The following TCF4 variants were observed in gnomAD, a reference collection of about 807,000 sequenced individuals.
TCF4 encodes SL3-3 enhancer factor 2.
In TCF4, 3 loss-of-function variants were observed where a neutral mutation model predicts 82.1. The observed-to-expected ratio is 0.04, with a 90% CI of 0.02 to 0.09. The LOEUF (loss-of-function observed/expected upper bound fraction) is 0.09. TCF4 is among the 10% of genes least tolerant of loss of function. The pLI is 1.00. For synonymous variants in TCF4, 276 were observed against 309.6 expected, an observed-to-expected ratio of 0.89 and a Z score of 1.14; for missense variants, 518 against 852.7, an observed-to-expected ratio of 0.61 and a Z score of 4.89.
chr18:55,508,331 C>T lies in TCF4; in HGVS notation c.146-44194G>A, dbSNP rs115131242. Among the ~76,000 whole-genome samples the T allele has an allele frequency of 5.6e-3, 854 of 152,276 alleles. 5 individuals carry two copies. The highest frequency in any genetic ancestry group is 0.019 in the African/African-American group (799 of 41,552). On this transcript the variant is annotated intron_variant, in intron 3 of 19. Transcript: ENST00000354452. ...AGGCTGCCATTCCTAAATTTTCCTC[C>T]GTTATAGCAATTCTACCACCACCAC...
intron 3 of TCF4, among the ~76,000 whole-genome samples, chr18:55,470,313 T>C (rs531548017): frequency 6.6e-6 from 1 of 152,344 alleles, no homozygotes; most frequent in South Asian, 2.1e-4. Context: ...TGACTCCTTG[T>C]TCTGCTAAAC....
intron 6 of TCF4, among the ~76,000 whole-genome samples, chr18:55,374,731 C>T (rs2090275196): frequency 6.6e-6 from 1 of 151,836 alleles, no homozygotes; most frequent in Non-Finnish European, 1.5e-5. Context: ...GAAACTCCGC[C>T]TCCACAAAAA....
intron 3 of TCF4, among the ~76,000 whole-genome samples, chr18:55,548,258 G>C (rs1320493185): frequency 6.6e-6 from 1 of 152,200 alleles, no homozygotes; most frequent in Non-Finnish European, 1.5e-5. Context: ...ACTCCATCTA[G>C]GTGGTAATCT....
intron 3 of TCF4, among the ~76,000 whole-genome samples, chr18:55,508,391 T>C (rs2096787807): frequency 1.3e-5 from 2 of 152,208 alleles, no homozygotes; most frequent in South Asian, 4.1e-4. Context: ...AATATTTTGT[T>C]GGATTTTCAA....
At chr18:55,392,989 C>T (rs1000390742) in intron 6 of TCF4, among the ~76,000 whole-genome samples, 5 of 152,166 alleles carry the variant, frequency 3.3e-5, no homozygotes, top group African/African-American at 1.2e-4. Context: ...ATTTTTATAT[C>T]GGTAAATATT....
chr18:55,451,375 C>G (rs1422524334), intron 5 of TCF4, among the ~76,000 whole-genome samples: 1 of 152,142 alleles, frequency 6.6e-6, no homozygotes, highest in African/African-American at 2.4e-5. Context: ...CTGTCCTCAC[C>G]TGGGAAACCA....
chr18:55,563,843 A>G (rs767654235), intron 3 of TCF4, among the ~76,000 whole-genome samples: 21 of 152,256 alleles, frequency 1.4e-4, no homozygotes, highest in Non-Finnish European at 2.9e-4. Context: ...AAAAATTATA[A>G]TATCATCAGA....
intron 10 of TCF4, among the ~76,000 whole-genome samples, chr18:55,270,637 T>C (rs1007569790): frequency 3.9e-5 from 6 of 152,148 alleles, no homozygotes; most frequent in African/African-American, 1.2e-4. Context: ...AATCCTCACA[T>C]AGCTGGCAAT....
At chr18:55,303,768 G>A (rs1054533248) in intron 8 of TCF4, among the ~76,000 whole-genome samples, 3 of 152,086 alleles carry the variant, frequency 2.0e-5, no homozygotes, top group African/African-American at 4.8e-5. Context: ...TTTGGCTGAG[G>A]GGAAGGAAAA....
intron 8 of TCF4, among the ~76,000 whole-genome samples, chr18:55,310,590 G>T (rs1037185365): frequency 6.6e-6 from 1 of 152,186 alleles, no homozygotes; most frequent in Non-Finnish European, 1.5e-5. Flanking sequence ...CCACATTGAG[G>T]AGAAGCGCAG....
intron 6 of TCF4, among the ~76,000 whole-genome samples, chr18:55,361,717 C>T (rs2045506612): frequency 6.6e-6 from 1 of 152,212 alleles, no homozygotes; most frequent in African/African-American, 2.4e-5. Context: ...AATGTCCTCA[C>T]TGTTGAGTCC....
intron 3 of TCF4, among the ~76,000 whole-genome samples, chr18:55,575,987 G>T (rs2097524975): frequency 6.6e-6 from 1 of 152,128 alleles, no homozygotes; most frequent in Non-Finnish European, 1.5e-5. Context: ...TGTGACACTG[G>T]TCATGGTGAT....
At chr18:55,304,156 G>A (rs992741954) in intron 8 of TCF4, among the ~76,000 whole-genome samples, 2 of 152,164 alleles carry the variant, frequency 1.3e-5, no homozygotes, top group African/African-American at 4.8e-5. Context: ...CAGTGTGAAT[G>A]GCGGAAGTTG....
chr18:55,441,951 C>T (rs910902474), intron 5 of TCF4, among the ~76,000 whole-genome samples: 4 of 152,144 alleles, frequency 2.6e-5, no homozygotes, highest in South Asian at 4.1e-4. Context: ...ACTAAGAAAT[C>T]GCGGTGATCC....
At chr18:55,351,466 T>C (rs1569141643) in intron 6 of TCF4, 1 of 162,966 alleles carries the variant, frequency 6.1e-6, no homozygotes, top group African/African-American at 2.4e-5. Flanking sequence ...TGCCTCTCTG[T>C]ACCGCATATC....
chr18:55,298,004 G>A (rs1333020530), intron 8 of TCF4, among the ~76,000 whole-genome samples: 1 of 152,162 alleles, frequency 6.6e-6, no homozygotes, highest in Non-Finnish European at 1.5e-5. Flanking sequence ...GACTGAATCA[G>A]ATTTTAATAG....
intron 3 of TCF4, among the ~76,000 whole-genome samples, chr18:55,541,656 A>G: frequency 6.6e-6 from 1 of 152,020 alleles, no homozygotes; most frequent in East Asian, 1.9e-4. Flanking sequence ...AATCTTATCT[A>G]CCAGAACCTT....
At chr18:55,546,813 CAG>C (rs1252371117) in intron 3 of TCF4, 1 of 152,226 alleles carries the variant, frequency 6.6e-6, no homozygotes, top group African/African-American at 2.4e-5. Flanking sequence ...TTTACGTTAA[CAG>C]ACTTACTTTC....
Position 55,403,493 on chromosome 18 carries a change from T to C in TCF4, c.330A>G (p.Ser110=). The change falls in exon 6 of 20, where the codon TCA becomes TCG. Residue 110 remains serine, a synonymous_variant. Coordinates refer to ENST00000354452, the MANE Select transcript of TCF4 (RefSeq NM_001083962.2). The part of the protein sequence containing the change: ...IQSKTERGSY[S]SYGRESNLQG... ...GTAAGTTTGATTCTCTCCCATAAGA[T>C]GAGTATGAGCCCCTTTCTGTTTTAC... 1.2e-6 allele frequency: 2 copies of C among 1,613,796 alleles called. No individual in the cohort carries two copies. The highest frequency in any genetic ancestry group is 1.7e-6 in the Non-Finnish European group (2 of 1,179,788).
Sources: allele counts gnomAD v4.1 joint callset (sites outside exome capture counted in the v4.1 genomes callset), GRCh38; gene constraint gnomAD v4.1.1; transcripts MANE v1.5; gene names NCBI Gene and HGNC (gene_info 2026-07-23, HGNC 2026-07-21).